Variants in TANGO6 observed in about 807,000 individuals in gnomAD.
The protein encoded by TANGO6 is transport and Golgi organization protein 6 homolog.
A neutral mutation model predicts 114.2 loss-of-function variants in TANGO6; 90 were observed. That is an observed-to-expected ratio of 0.79 (90% CI 0.66 to 0.94). The LOEUF is 0.94. Ranked by LOEUF, TANGO6 falls within the 40% of genes least tolerant of loss-of-function variation. The probability of loss-of-function intolerance (pLI) is 0.00; values close to 1 mark genes in which losing one functional copy is unlikely to be tolerated. For missense variants in TANGO6, 1,274 were observed against 1,315.3 expected (o/e 0.97, Z 0.49); for synonymous variants, 477 against 509.8 (o/e 0.94, Z 0.87).
At chr16:68,997,044 A>G (rs1219770186) in intron 15 of TANGO6, among the ~76,000 whole-genome samples, 1 of 152,258 alleles carries the variant, frequency 6.6e-6, no homozygotes, top group South Asian at 2.1e-4. Flanking sequence ...AACTTCTGGC[A>G]TAAGATCTTA....
At chr16:68,860,852 A>C (rs1462587118) in intron 2 of TANGO6, among the ~76,000 whole-genome samples, 1 of 152,148 alleles carries the variant, frequency 6.6e-6, no homozygotes, top group Non-Finnish European at 1.5e-5. Context: ...TGTGAGGATT[A>C]AGGATAATGT....
chr16:69,038,307 G>A (rs779067691), intron 16 of TANGO6, among the ~76,000 whole-genome samples: 1 of 152,056 alleles, frequency 6.6e-6, no homozygotes, highest in Non-Finnish European at 1.5e-5. Flanking sequence ...ACACGCGCCT[G>A]TAGTCCTACC....
At chr16:69,036,392 G>A (rs1018174971) in intron 16 of TANGO6, among the ~76,000 whole-genome samples, 1 of 152,110 alleles carries the variant, frequency 6.6e-6, no homozygotes, top group African/African-American at 2.4e-5. Flanking sequence ...TTAAAATTCC[G>A]ATGCTCAGAA....
intron 17 of TANGO6, among the ~76,000 whole-genome samples, chr16:69,064,851 T>C (rs74025362): frequency 3.2e-4 from 49 of 152,270 alleles, no homozygotes; most frequent in African/African-American, 1.1e-3. Context: ...TCAGATGCTG[T>C]CTAATCCCAC....
intron 14 of TANGO6, among the ~76,000 whole-genome samples, chr16:68,969,041 G>A (rs968662512): frequency 6.6e-6 from 1 of 152,104 alleles, no homozygotes. Context: ...TTCAGAATGC[G>A]TCTGTGAACT....
At chr16:69,026,449 A>T in intron 16 of TANGO6, 1 of 183,552 alleles carries the variant, frequency 5.4e-6, no homozygotes, top group Admixed American at 5.1e-5. Context: ...ATCCAGAAGG[A>T]AGGGCTATCT....
intron 16 of TANGO6, among the ~76,000 whole-genome samples, chr16:69,030,107 CAAAAAA>C (rs529117472): frequency 3.2e-5 from 2 of 62,516 alleles, no homozygotes; most frequent in Admixed American, 2.0e-4. Flanking sequence ...GACTCTGACT[CAAAAAA>C]AAAAAAAAAA....
intron 15 of TANGO6, among the ~76,000 whole-genome samples, chr16:68,994,711 A>G (rs1226053286): frequency 6.6e-6 from 1 of 151,670 alleles, no homozygotes; most frequent in Non-Finnish European, 1.5e-5. Context: ...AGTAGCTGGG[A>G]CCATAGGCGC....
At chr16:69,081,920 G>T (rs370056758) in intron 17 of TANGO6, among the ~76,000 whole-genome samples, 1 of 150,728 alleles carries the variant, frequency 6.6e-6, no homozygotes, top group South Asian at 2.1e-4. Context: ...TGCAACCTCC[G>T]CCTCCTGGGT....
At chr16:68,978,772 A>G (rs1254759928) in intron 15 of TANGO6, among the ~76,000 whole-genome samples, 2 of 151,744 alleles carry the variant, frequency 1.3e-5, no homozygotes, top group Admixed American at 6.6e-5. Context: ...GCAGTACACT[A>G]TGTTACCTCT....
At chr16:69,027,782 ATT>A (rs34656903) in intron 16 of TANGO6, among the ~76,000 whole-genome samples, 2 of 139,776 alleles carry the variant, frequency 1.4e-5, no homozygotes, top group African/African-American at 2.6e-5. Flanking sequence ...ACCAAACCCA[ATT>A]TTTTTTTTTT....
At position 69,021,338 on chromosome 16, in the gene TANGO6, A is replaced by G. The variant is rs575416323; in HGVS notation, c.2843-1490A>G. Among the ~76,000 whole-genome samples the G allele has an allele frequency of 3.3e-5, 5 of 152,246 alleles. No individual in the cohort carries two copies. The South Asian group carries it at 1.0e-3, about 32-fold the overall frequency. On this transcript the variant is annotated intron_variant, in intron 15 of 17. Transcript: ENST00000261778. ...GTATGCTCTTCTCCCAGAAATGCAC[A>G]TGACTGATACGCTCACCTTCCAGTC...
chr16:68,897,973 CA>C (rs1274137597), intron 7 of TANGO6, among the ~76,000 whole-genome samples: 4 of 152,070 alleles, frequency 2.6e-5, no homozygotes, highest in Non-Finnish European at 5.9e-5. Flanking sequence ...CCTATCAAGC[CA>C]GTAAATAATG....
At chr16:68,869,965 C>A (rs1413476898) in intron 4 of TANGO6, among the ~76,000 whole-genome samples, 1 of 152,058 alleles carries the variant, frequency 6.6e-6, no homozygotes, top group Non-Finnish European at 1.5e-5. Context: ...CTCAGGGAGG[C>A]CTGATAGGCT....
chr16:68,930,721 T>C (rs557727240), intron 14 of TANGO6, among the ~76,000 whole-genome samples: 7 of 150,142 alleles, frequency 4.7e-5, no homozygotes, highest in Admixed American at 3.3e-4. Context: ...CTGCAACCTC[T>C]GCCTCCCGGG....
At chr16:68,866,585 T>C (rs1962180678) in intron 3 of TANGO6, among the ~76,000 whole-genome samples, 1 of 147,982 alleles carries the variant, frequency 6.8e-6, no homozygotes, top group Non-Finnish European at 1.5e-5. Flanking sequence ...ATTGCGCCAC[T>C]GCAGTCCGCA....
intron 7 of TANGO6, among the ~76,000 whole-genome samples, chr16:68,881,501 G>A (rs556801462): frequency 1.1e-4 from 16 of 152,200 alleles, no homozygotes; most frequent in Non-Finnish European, 2.1e-4. Context: ...GGGATAGAGC[G>A]AGACTCTGTC....
At chr16:68,921,651 TATC>T (rs1409506960) in intron 12 of TANGO6, among the ~76,000 whole-genome samples, 1 of 145,220 alleles carries the variant, frequency 6.9e-6, no homozygotes, top group Non-Finnish European at 1.5e-5. Context: ...ACTTCACACT[TATC>T]ATTTCAAACC....
chr16:68,902,504 G>A lies in TANGO6; in HGVS notation c.1667G>A (p.Ser556Asn). Residue 556 changes from serine (S) to asparagine (N), a missense_variant and splice_region_variant, in exon 9 of 18, where the codon AGT (serine) becomes AAT (asparagine). This residue lies in a region of TANGO6 where 908 missense variants were observed against 910.2 expected (regional missense o/e 1.00). Transcript: ENST00000261778. ...ATGATTACCATCAAAGAGGCCATTA[G>A]GTGAGTCCACCCATCCGTTACTGTT... ...GIMITIKEAI[S>N]DEDEDEALYQ... 6.2e-7 allele frequency: 1 copy of A among 1,607,892 alleles called. No individual in the cohort carries two copies.
Sources: allele counts gnomAD v4.1 joint callset (sites outside exome capture counted in the v4.1 genomes callset), GRCh38; gene constraint gnomAD v4.1.1; regional missense constraint gnomAD v4.1.1; transcripts MANE v1.5; gene names NCBI Gene and HGNC (gene_info 2026-07-23, HGNC 2026-07-21).